The following KLHL24 variants were observed in gnomAD, a reference collection of about 807,000 sequenced individuals.
KLHL24 encodes the protein kelch-like protein 24.
Under a neutral mutation model 53.4 loss-of-function variants are expected in KLHL24, and 29 were observed. The observed-to-expected ratio is 0.54, with a 90% CI of 0.40 to 0.74. The LOEUF (loss-of-function observed/expected upper bound fraction) is 0.74. Ranked by LOEUF, KLHL24 falls within the 30% of genes least tolerant of loss-of-function variation. KLHL24 has a pLI of 0.00. For missense variants in KLHL24, 504 were observed against 744.0 expected, an observed-to-expected ratio of 0.68 and a Z score of 3.75; for synonymous variants, 222 against 253.7, an observed-to-expected ratio of 0.88 and a Z score of 1.19.
chr3:183,657,568 A>G (rs1211186073), intron 3 of KLHL24, among the ~76,000 whole-genome samples: 1 of 152,208 alleles, frequency 6.6e-6, no homozygotes. Flanking sequence ...TATTTAATAA[A>G]TCCCTTCATT....
Position 183,670,190 on chromosome 3 carries a change from C to T in KLHL24, c.1225-844C>T, listed in dbSNP as rs376488296. ...TGAGGTGAGAGGATTACTTGAACCT[C>T]GGAGGTTGAGGCTGTAGTGAGCTGT... On this transcript the variant is annotated intron_variant, in intron 5 of 7. Coordinates refer to ENST00000242810, the MANE Select transcript of KLHL24 (RefSeq NM_017644.3). Among the ~76,000 whole-genome samples, 12 of 152,068 alleles carry T rather than the reference C, an allele frequency of 7.9e-5. No homozygotes were observed. In the South Asian group the frequency reaches 2.3e-3, roughly 29 times the overall value.
At chr3:183,676,067 A>G (rs1711800391) in intron 7 of KLHL24, among the ~76,000 whole-genome samples, 2 of 152,224 alleles carry the variant, frequency 1.3e-5, no homozygotes, top group Non-Finnish European at 2.9e-5. Flanking sequence ...AAATAATTGA[A>G]GTTCAAATCT....
chr3:183,677,796 GTTTA>G (rs1300790003), intron 7 of KLHL24, among the ~76,000 whole-genome samples: 4 of 151,900 alleles, frequency 2.6e-5, no homozygotes, highest in Admixed American at 1.3e-4. Context: ...TTGTTTGTTT[GTTTA>G]TTTTTTTTGA....
rs541065709 is a variant in KLHL24 at position 183,648,744 on chromosome 3, A to G, written c.-61-1552A>G. Among the ~76,000 whole-genome samples the G allele has an allele frequency of 7.2e-5, 11 of 152,264 alleles. No homozygotes were observed. In the East Asian group the frequency reaches 7.7e-4, roughly 11 times the overall value. Reference sequence around the variant, plus strand: ...GGGCTGGGCACCATGCCTCATACCTATAATTCCAGCACTTTGGGAGGCCAA... The same window carrying G: ...GGGCTGGGCACCATGCCTCATACCTGTAATTCCAGCACTTTGGGAGGCCAA... On this transcript the variant is annotated intron_variant, in intron 2 of 7. Coordinates refer to ENST00000242810, the MANE Select transcript of KLHL24 (RefSeq NM_017644.3).
At position 183,675,898 on chromosome 3, in the gene KLHL24, A is replaced by G. The variant is rs774897005; in HGVS notation, c.1603-3188A>G. Among the ~76,000 whole-genome samples, 127 of 152,356 alleles carry G rather than the reference A, an allele frequency of 8.3e-4. 1 individual carries two copies. The highest frequency in any genetic ancestry group is 1.7e-3 in the Admixed American group (26 of 15,300). The stretch of plus-strand genomic sequence containing the variant: ...GTATGTAGCATATTGCAGGGCATAC[A>G]TGAATATTTTTTAACTAGGTTATTG... On this transcript the variant is annotated intron_variant, in intron 7 of 7. Coordinates refer to ENST00000242810, the MANE Select transcript of KLHL24 (RefSeq NM_017644.3).
rs914220433 is a variant in KLHL24 at position 183,682,741 on chromosome 3, G to A, written c.*3455G>A. 27 of 152,240 alleles carry A rather than the reference G, an allele frequency of 1.8e-4. 1 individual carries two copies. The highest frequency in any genetic ancestry group is 4.4e-5 in the Non-Finnish European group (3 of 67,970). The allele number at this position is 152,240 out of a possible 1,614,324, so 9.4% of individuals were successfully genotyped here. A position where few individuals can be genotyped will look rare whatever the true frequency, so the allele number is the denominator to read the frequency against. On this transcript the variant is annotated 3_prime_UTR_variant, in exon 8 of 8. Coordinates refer to ENST00000242810, the MANE Select transcript of KLHL24 (RefSeq NM_017644.3). ...TTTTTGAAACTCAGGAAAGACAAAG[G>A]TTCAATTACACCACTTTTGTCAATA... is the stretch of plus-strand genomic sequence containing the variant.
intron 1 of KLHL24, among the ~76,000 whole-genome samples, chr3:183,637,375 G>A (rs1480531652): frequency 2.0e-5 from 3 of 152,126 alleles, no homozygotes; most frequent in Non-Finnish European, 4.4e-5. Context: ...TACTCGGCTC[G>A]GATGAGTTGT....
chr3:183,660,863 T>C (rs1011320356), intron 3 of KLHL24, among the ~76,000 whole-genome samples: 1 of 151,358 alleles, frequency 6.6e-6, no homozygotes, highest in Non-Finnish European at 1.5e-5. Context: ...CGAAACCACG[T>C]GTTAGGAGGC....
chr3:183,637,585 A>T (rs1715529968), intron 1 of KLHL24, among the ~76,000 whole-genome samples: 2 of 152,116 alleles, frequency 1.3e-5, no homozygotes, highest in African/African-American at 4.8e-5. Context: ...TTAATAGGGT[A>T]TTTGCGTTTT....
At chr3:183,665,884 A>C (rs1483759110) in intron 5 of KLHL24, among the ~76,000 whole-genome samples, 1 of 121,294 alleles carries the variant, frequency 8.2e-6, no homozygotes, top group Non-Finnish European at 1.7e-5. Flanking sequence ...TGAGAATCAA[A>C]CTTTTTTTTT....
In KLHL24 at chr3:183,665,033, T is replaced by C. The variant is rs1486934151; in HGVS notation, c.1218T>C (p.Leu406=). The part of the protein sequence containing the change: ...GRWRHKMAVL[L]GKVYVVGGYD... The stretch of plus-strand genomic sequence containing the variant: ...GGCGTCACAAAATGGCTGTCCTCCT[T>C]GGTAAAGTAAGAGAAACCACTTTTT... Residue 406 remains leucine, a synonymous_variant, in exon 5 of 8, where the codon CTT becomes CTC. Coordinates refer to ENST00000242810, the MANE Select transcript of KLHL24 (RefSeq NM_017644.3). The C allele has an allele frequency of 6.3e-7, 1 of 1,582,212 alleles. No homozygotes were observed. Among genetic ancestry groups the C allele is most frequent in the Admixed American group, 1.7e-5 (1 of 59,652 alleles).
chr3:183,652,465 CAT>C (rs746812890), intron 3 of KLHL24, among the ~76,000 whole-genome samples: 47 of 151,980 alleles, frequency 3.1e-4, no homozygotes, highest in Non-Finnish European at 4.7e-4. Context: ...AAACACATAA[CAT>C]AAACTTTACT....
rs1721270511 is a variant in KLHL24, at chr3:183,671,077, G to A, written c.1268G>A (p.Ser423Asn). 1 of 1,614,072 alleles carries A rather than the reference G, an allele frequency of 6.2e-7. No homozygotes were observed. Among genetic ancestry groups the A allele is most frequent in the Non-Finnish European group, 8.5e-7 (1 of 1,179,972 alleles). The change falls in exon 6 of 8, where the codon AGC becomes AAC. Residue 423 changes from serine to asparagine, a missense_variant. By Grantham distance (46) the Ser-to-Asn change is conservative. Coordinates refer to ENST00000242810, the MANE Select transcript of KLHL24 (RefSeq NM_017644.3). ...TATGATGGGCAAAACAGACTTAGCA[G>A]CGTAGAATGTTATGATTCCTTTTCA... ...GGYDGQNRLS[S>N]VECYDSFSNR...
intron 3 of KLHL24, among the ~76,000 whole-genome samples, chr3:183,661,537 T>C (rs949515238): frequency 2.0e-5 from 3 of 152,234 alleles, no homozygotes; most frequent in African/African-American, 7.2e-5. Flanking sequence ...AAATAGGATA[T>C]TTAATACAGG....
intron 2 of KLHL24, among the ~76,000 whole-genome samples, chr3:183,644,681 A>G (rs1419446498): frequency 6.6e-6 from 1 of 152,212 alleles, no homozygotes; most frequent in Non-Finnish European, 1.5e-5. Context: ...GGCAGATAAT[A>G]GCATAAAAAG....
At position 183,651,000 on chromosome 3, in the gene KLHL24, A is replaced by G. The variant is rs1718038623; in HGVS notation, c.644A>G (p.Tyr215Cys). The G allele has an allele frequency of 8.1e-6, 13 of 1,614,128 alleles. No homozygotes were observed. The highest frequency in any genetic ancestry group is 1.0e-5 in the Non-Finnish European group (12 of 1,180,048). ...CTTGACAAAGATGAACTTATTGATT[A>G]TATTTGTAGTGATGAACTTGTTATT... ...LELDKDELID[Y>C]ICSDELVIGK... is the part of the protein sequence containing the mutation. Residue 215 changes from tyrosine to cysteine, a missense_variant, in exon 3 of 8, where the codon TAT (tyrosine) becomes TGT (cysteine). Tyr to Cys is a radical substitution (Grantham distance 194, BLOSUM62 -2). Coordinates refer to ENST00000242810, the MANE Select transcript of KLHL24 (RefSeq NM_017644.3). This position sits in a 1 kb window ranked among gnomAD's most constrained non-coding sequence, Gnocchi z 4.5.
At position 183,650,498 on chromosome 3, in the gene KLHL24, C is replaced by G; in HGVS notation, c.142C>G (p.His48Asp). 1.2e-6 allele frequency: 2 copies of G among 1,614,072 alleles called. No homozygotes were observed. Among genetic ancestry groups the G allele is most frequent in the Non-Finnish European group, 1.7e-6 (2 of 1,179,988 alleles). ...TTTTGACTTCTCTTCAGGATCATCC[C>G]ATGCCGAAAACATACTCCAGATATT... ...EFFDFSSGSS[H>D]AENILQIFNE... The change falls in exon 3 of 8, where the codon CAT (histidine) becomes GAT (aspartate). Residue 48 changes from histidine (H) to aspartate (D), a missense_variant. Coordinates refer to ENST00000242810, the MANE Select transcript of KLHL24 (RefSeq NM_017644.3). This position sits in a 1 kb window ranked among gnomAD's most constrained non-coding sequence, Gnocchi z 4.5.
In KLHL24 at chr3:183,681,158, G is replaced by T. The variant is rs1189411060; in HGVS notation, c.*1872G>T. On this transcript the variant is annotated 3_prime_UTR_variant, in exon 8 of 8. Coordinates refer to ENST00000242810, the MANE Select transcript of KLHL24 (RefSeq NM_017644.3). The stretch of plus-strand genomic sequence containing the variant: ...CAATTTTCTATCCTCTTAGTTGAAA[G>T]AATGTAGGTACAGTTTGGATACTTG... 1 of 152,024 alleles carries T rather than the reference G, an allele frequency of 6.6e-6. No homozygotes were observed. Among genetic ancestry groups the T allele is most frequent in the East Asian group, 1.9e-4 (1 of 5,194 alleles). The allele number at this position is 152,024 out of a possible 1,614,324, so 9.4% of individuals were successfully genotyped here.
chr3:183,677,877 C>T (rs1000755625), intron 7 of KLHL24, among the ~76,000 whole-genome samples: 2 of 152,070 alleles, frequency 1.3e-5, no homozygotes, highest in Non-Finnish European at 2.9e-5. Context: ...CTGCAACCTC[C>T]GCCTCCCGGG....
Sources: gnomAD v4.1 joint callset for allele counts (sites outside exome capture counted in the v4.1 genomes callset) on GRCh38, gnomAD v4.1.1 for gene constraint, Gnocchi (gnomAD v3.1) non-coding constraint, MANE v1.5 for transcripts, NCBI Gene and HGNC (gene_info 2026-07-23, HGNC 2026-07-21) for gene names.